DHX8: variants seen among roughly 807,000 people sequenced by gnomAD.
The protein encoded by DHX8 is ATP-dependent RNA helicase DHX8.
In DHX8, 67 loss-of-function variants were observed where a neutral mutation model predicts 140.7. The ratio of observed to expected loss-of-function variants is 0.48; its 90% CI spans 0.39 to 0.58. The LOEUF is 0.58. Ranked by LOEUF, DHX8 falls within the 20% of genes least tolerant of loss-of-function variation. The pLI is 0.00. For missense variants in DHX8, 887 were observed against 1,550.7 expected (o/e 0.57, Z 7.19); for synonymous variants, 533 against 553.2 (o/e 0.96, Z 0.51).
intron 3 of DHX8, 100 bp downstream of exon 3, chr17:43,490,563 T>A: frequency 1.0e-6 from 1 of 994,950 alleles, no homozygotes; most frequent in Non-Finnish European, 1.5e-6. Context: ...GCTGAGCAAG[T>A]AAATGTTCCA....
chr17:43,528,725 C>T (rs1380855852), downstream of DHX8: 13 of 1,614,012 alleles, frequency 8.1e-6, no homozygotes, highest in East Asian at 4.5e-5. Context: ...AACTTGTACA[C>T]GTAACGCTCA....
In DHX8 at chr17:43,508,574, C is replaced by T. The variant is rs892428921; in HGVS notation, c.2502+54C>T. On this transcript the variant is annotated intron_variant, in intron 16 of 22. Transcript: ENST00000262415. ...GTGCCCTGAAACCATGTGTTGTGTG[C>T]AGCCTGTCAGCCATAGTAGGGATTG... 3.3e-5 allele frequency: 42 copies of T among 1,257,004 alleles called. 1 individual carries two copies. In the South Asian group the frequency reaches 5.2e-4, roughly 16 times the overall value. 77.9% of individuals were successfully genotyped at this position (1,257,004 alleles called of 1,614,324 possible). A position where few individuals can be genotyped will look rare whatever the true frequency, so the allele number is the denominator to read the frequency against.
intron 3 of DHX8, among the ~76,000 whole-genome samples, chr17:43,541,377 G>A (rs1009386813): frequency 1.3e-5 from 2 of 152,240 alleles, no homozygotes; most frequent in African/African-American, 4.8e-5. Context: ...CCAAGCCAGT[G>A]TGCCAGGGTC....
Position 43,508,575 on chromosome 17 carries a change from A to C in DHX8, c.2502+55A>C. 4 of 1,263,684 alleles carry C rather than the reference A, an allele frequency of 3.2e-6. No individual in the cohort carries two copies. The South Asian group carries it at 5.3e-5, about 17-fold the overall frequency. 78.3% of individuals were successfully genotyped at this position (1,263,684 alleles called of 1,614,324 possible). A position where few individuals can be genotyped will look rare whatever the true frequency, so the allele number is the denominator to read the frequency against. ...TGCCCTGAAACCATGTGTTGTGTGCAGCCTGTCAGCCATAGTAGGGATTGC... is the reference window on the plus strand; with the variant it reads ...TGCCCTGAAACCATGTGTTGTGTGCCGCCTGTCAGCCATAGTAGGGATTGC... On this transcript the variant is annotated intron_variant, in intron 16 of 22. Coordinates refer to ENST00000262415, the MANE Select transcript of DHX8 (RefSeq NM_004941.3).
At chr17:43,528,465 T>C, downstream of DHX8, 2 of 1,229,102 alleles carry the variant, frequency 1.6e-6, no homozygotes, top group Non-Finnish European at 2.3e-6. Context: ...CCAGATTCAT[T>C]TATATGTACA....
chr17:43,510,248 A>G (rs562734873), intron 16 of DHX8, among the ~76,000 whole-genome samples: 3 of 151,842 alleles, frequency 2.0e-5, no homozygotes, highest in Non-Finnish European at 4.4e-5. Context: ...GGGTTTCTCC[A>G]TTCTGGTCAG....
chr17:43,524,435 C>A lies in DHX8; in HGVS notation c.*588C>A, dbSNP rs1009063033. On this transcript the variant is annotated 3_prime_UTR_variant, in exon 23 of 23. Transcript: ENST00000262415. ...CACACATGATGAGAATCCCCTGAAT[C>A]CCCTGAAACCAGAACGCAGGGCCTC... 18 of 988,084 alleles carry A rather than the reference C, an allele frequency of 1.8e-5. No individual in the cohort carries two copies. Among genetic ancestry groups the A allele is most frequent in the Admixed American group, 6.0e-5 (1 of 16,752 alleles). 61.2% of individuals were successfully genotyped at this position (988,084 alleles called of 1,614,324 possible).
At chr17:43,535,808 T>A (rs1971210817) in intron 2 of DHX8, among the ~76,000 whole-genome samples, 3 of 152,180 alleles carry the variant, frequency 2.0e-5, no homozygotes, top group Admixed American at 2.0e-4. Context: ...TTTATGGAAG[T>A]GACTTAGAAT....
intron 2 of DHX8, 117 bp downstream of exon 2, chr17:43,489,651 C>T (rs974032158): frequency 4.3e-5 from 29 of 667,126 alleles, no homozygotes; most frequent in Admixed American, 1.7e-4. Context: ...AGTGCAGTGG[C>T]GCCACCTCAG....
rs1456937536 is a variant in DHX8, at chr17:43,520,225, G to A, written c.2895G>A (p.Gly965=). ...ITAMEQLYTL[G]ALDDEGLLTR... is the part of the protein sequence containing the mutation. ...CCATGGAGCAGCTGTACACACTGGG[G>A]GCCCTGGATGACGAGGGCCTGCTCA... is the stretch of plus-strand genomic sequence containing the variant. The change falls in exon 19 of 23, where the codon GGG becomes GGA. Residue 965 remains glycine, a synonymous_variant. Transcript: ENST00000262415. 6.2e-7 allele frequency: 1 copy of A among 1,614,046 alleles called. No homozygotes were observed.
chr17:43,506,839 T>G (rs575621601), intron 12 of DHX8, among the ~76,000 whole-genome samples, 164 bp from the exon 13 acceptor site: 5 of 152,352 alleles, frequency 3.3e-5, no homozygotes, highest in Admixed American at 6.5e-5. Context: ...TGTTGACTTC[T>G]TTAACTATAT....
At chr17:43,493,382 T>C (rs1968652703) in intron 6 of DHX8, 63 bp from the exon 7 acceptor site, 1 of 1,586,962 alleles carries the variant, frequency 6.3e-7, no homozygotes, top group Non-Finnish European at 8.6e-7. Context: ...CCAGTAAGGG[T>C]AGAAATTGGT....
At chr17:43,535,138 G>C (rs1369612988) in intron 2 of DHX8, among the ~76,000 whole-genome samples, 6 of 152,172 alleles carry the variant, frequency 3.9e-5, no homozygotes, top group Non-Finnish European at 1.5e-5. Flanking sequence ...GCCGGTGTGA[G>C]ATTCAGTTTT....
At chr17:43,530,913 C>T (rs1175721412), downstream of DHX8, among the ~76,000 whole-genome samples, 1 of 152,130 alleles carries the variant, frequency 6.6e-6, no homozygotes, top group African/African-American at 2.4e-5. Flanking sequence ...TCATTCATGC[C>T]TCCATTTTGT....
intron 17 of DHX8, among the ~76,000 whole-genome samples, chr17:43,514,155 A>G (rs1969994382): frequency 6.6e-6 from 1 of 151,918 alleles, no homozygotes; most frequent in Admixed American, 6.6e-5. Flanking sequence ...TAGCCTGGGC[A>G]ACATAGCAAG....
Position 43,508,446 on chromosome 17 carries a change from C to T in DHX8, c.2428C>T (p.Leu810Phe). ...LGPDVPELII[L>F]PVYSALPSEM... is the part of the protein sequence containing the mutation. ...ACCTGATGTTCCAGAGTTAATTATC[C>T]TCCCAGTGTACTCTGCTCTTCCCAG... The change falls in exon 16 of 23, where the codon CTC (leucine) becomes TTC (phenylalanine). Residue 810 changes from leucine (L) to phenylalanine (F), a missense_variant. Transcript: ENST00000262415. 6.2e-7 allele frequency: 1 copy of T among 1,613,850 alleles called. No homozygotes were observed. Among genetic ancestry groups the T allele is most frequent in the Non-Finnish European group, 8.5e-7 (1 of 1,179,908 alleles).
chr17:43,531,978 A>G (rs1744283326), intron 2 of DHX8, among the ~76,000 whole-genome samples: 1 of 152,178 alleles, frequency 6.6e-6, no homozygotes, highest in Non-Finnish European at 1.5e-5. Context: ...TTCCCTATTA[A>G]GTCACAAGCT....
At chr17:43,486,320 T>C (rs1968142623) in intron 1 of DHX8, among the ~76,000 whole-genome samples, 1 of 152,220 alleles carries the variant, frequency 6.6e-6, no homozygotes, top group East Asian at 1.9e-4. Flanking sequence ...TTTTGTTTGC[T>C]GACTTGATTC....
intron 2 of DHX8, chr17:43,533,802 GCCTC>G: frequency 6.3e-7 from 1 of 1,589,292 alleles, no homozygotes; most frequent in Non-Finnish European, 8.5e-7. Context: ...GGTGCCCCCT[GCCTC>G]CCTCCTCTGG....
Sources: allele counts gnomAD v4.1 joint callset (sites outside exome capture counted in the v4.1 genomes callset), GRCh38; gene constraint gnomAD v4.1.1; transcripts MANE v1.5; gene names NCBI Gene and HGNC (gene_info 2026-07-23, HGNC 2026-07-21).